The following ADRA1B variants were observed in gnomAD, a reference collection of about 807,000 sequenced individuals.
ADRA1B encodes adrenoceptor alpha 1B, also known as alpha-1B adrenergic receptor.
A neutral mutation model predicts 17.9 loss-of-function variants in ADRA1B; 17 were observed. The observed-to-expected ratio is 0.95, with a 90% CI of 0.65 to 1.42. The LOEUF is 1.42. Among genes scored for constraint, ADRA1B ranks in the 40% most tolerant of loss-of-function variants. The pLI is 0.00. For missense variants in ADRA1B, 681 were observed against 722.1 expected (o/e 0.94, Z 0.65); for synonymous variants, 366 against 327.6 (o/e 1.12, Z -1.27).
intron 1 of ADRA1B, among the ~76,000 whole-genome samples, chr5:159,934,104 G>A (rs1754884716): frequency 6.6e-6 from 1 of 152,262 alleles, no homozygotes; most frequent in Non-Finnish European, 1.5e-5. Context: ...CTGGCTGCTT[G>A]AGCAGATTCT....
At chr5:159,885,142 T>C (rs868508177) in intron 1 of ADRA1B, among the ~76,000 whole-genome samples, 2 of 152,194 alleles carry the variant, frequency 1.3e-5, no homozygotes, top group Non-Finnish European at 2.9e-5. Context: ...AGTCACAGAC[T>C]ATCAGAACAG....
chr5:159,902,636 A>G (rs1754115386), intron 1 of ADRA1B, among the ~76,000 whole-genome samples: 1 of 152,224 alleles, frequency 6.6e-6, no homozygotes, highest in South Asian at 2.1e-4. Context: ...CTTAGTCAAC[A>G]GCCCAGTTGA....
In ADRA1B at chr5:159,916,632, C is replaced by A; in HGVS notation, c.-274C>A. On this transcript the variant is annotated 5_prime_UTR_variant, in exon 1 of 2. Transcript: ENST00000306675. ...TCCTCCCCGCCGCTCCCCCGCGAGC[C>A]CGGCCAGGCGCGCCTGACGTGGACC... 1 of 309,878 alleles carries A rather than the reference C, an allele frequency of 3.2e-6. No homozygotes were observed. The highest frequency in any genetic ancestry group is 5.9e-6 in the Non-Finnish European group (1 of 169,912). 19.2% of individuals were successfully genotyped at this position (309,878 alleles called of 1,614,324 possible). A position where few individuals can be genotyped will look rare whatever the true frequency, so the allele number is the denominator to read the frequency against.
At chr5:159,952,442 T>C (rs1254517387) in intron 1 of ADRA1B, among the ~76,000 whole-genome samples, 2 of 152,202 alleles carry the variant, frequency 1.3e-5, no homozygotes, top group Admixed American at 1.3e-4. Flanking sequence ...CTCAGGTAAC[T>C]GAAAGCATGG....
chr5:159,963,564 A>T (rs1017783722), intron 1 of ADRA1B, among the ~76,000 whole-genome samples: 1 of 152,202 alleles, frequency 6.6e-6, no homozygotes, highest in African/African-American at 2.4e-5. Context: ...TGCCTTCTAG[A>T]GCACAGTCAT....
chr5:159,957,994 G>A (rs1437638257), intron 1 of ADRA1B, among the ~76,000 whole-genome samples: 2 of 148,638 alleles, frequency 1.3e-5, no homozygotes, highest in African/African-American at 2.5e-5. Flanking sequence ...TTCTTTTACT[G>A]TCATTTGAAT....
At position 159,972,611 on chromosome 5, in the gene ADRA1B, CG is replaced by C; in HGVS notation, c.*125del. The C allele has an allele frequency of 1.3e-5, 1 of 78,290 alleles. No individual in the cohort carries two copies. Among genetic ancestry groups the C allele is most frequent in the Non-Finnish European group, 2.2e-5 (1 of 46,276 alleles). 4.8% of individuals were successfully genotyped at this position (78,290 alleles called of 1,614,324 possible). On this transcript the variant is annotated 3_prime_UTR_variant, in exon 2 of 2. Transcript: ENST00000306675. ...GGTAGACGCGCGCCCCAAGGGGAAC[CG>C]GGGGGAGGGCCGGGGAGAGGGGCAG...
chr5:159,915,581 C>T (rs1040557576), upstream of ADRA1B, among the ~76,000 whole-genome samples: 3 of 152,108 alleles, frequency 2.0e-5, no homozygotes, highest in African/African-American at 7.2e-5. Context: ...AACCAAGATC[C>T]TCTACGTCCC....
chr5:159,923,783 T>C (rs576967105), intron 1 of ADRA1B, among the ~76,000 whole-genome samples: 1 of 152,372 alleles, frequency 6.6e-6, no homozygotes, highest in South Asian at 2.1e-4. Context: ...GTAGACCTCT[T>C]GCATCAGATT....
chr5:159,940,862 C>T (rs550155353), intron 1 of ADRA1B, among the ~76,000 whole-genome samples: 2 of 152,312 alleles, frequency 1.3e-5, no homozygotes, highest in Admixed American at 1.3e-4. Context: ...GTTCTTTAAA[C>T]TGGTGAGCTA....
Position 159,972,235 on chromosome 5 carries a change from C to G in ADRA1B, c.1306C>G (p.Pro436Ala). The G allele has an allele frequency of 5.9e-6, 8 of 1,351,772 alleles. No homozygotes were observed. Among genetic ancestry groups the G allele is most frequent in the Non-Finnish European group, 7.6e-6 (8 of 1,049,464 alleles). 83.7% of individuals were successfully genotyped at this position (1,351,772 alleles called of 1,614,324 possible). Reference protein sequence around the residue: ...PSPGYLGRGAPPPVELCAFPE... With the variant: ...PSPGYLGRGAAPPVELCAFPE... ...CCCGGGCTACCTGGGCCGCGGCGCG[C>G]CACCGCCAGTCGAGCTGTGCGCCTT... Residue 436 changes from proline (P) to alanine (A), a missense_variant, in exon 2 of 2, where the codon CCA becomes GCA. Pro to Ala is a conservative substitution (Grantham distance 27). Transcript: ENST00000306675.
chr5:159,947,585 GTTTCCCT>G (rs1373586059), intron 1 of ADRA1B: 1 of 459,852 alleles, frequency 2.2e-6, no homozygotes, highest in African/African-American at 2.1e-5. Context: ...TCTTTTAATG[GTTTCCCT>G]TTTACATTCT....
chr5:159,884,460 T>A (rs1028464207), intron 1 of ADRA1B, among the ~76,000 whole-genome samples: 2 of 152,212 alleles, frequency 1.3e-5, no homozygotes, highest in Non-Finnish European at 2.9e-5. Flanking sequence ...CTCTTGTGTA[T>A]GTTCTCTTGC....
intron 1 of ADRA1B, among the ~76,000 whole-genome samples, chr5:159,954,125 G>A (rs917466405): frequency 1.3e-5 from 2 of 152,156 alleles, no homozygotes; most frequent in African/African-American, 4.8e-5. Flanking sequence ...GGACAAGGAG[G>A]GGGTCAGCGA....
chr5:159,870,200 C>T (rs939016097), intron 1 of ADRA1B: 1 of 152,206 alleles, frequency 6.6e-6, no homozygotes, highest in African/African-American at 2.4e-5. Flanking sequence ...GAGGAACTGA[C>T]ACTTAGGCTG....
At chr5:159,950,621 TGGA>T in intron 1 of ADRA1B, 1 of 867,474 alleles carries the variant, frequency 1.2e-6, no homozygotes, top group Non-Finnish European at 2.0e-6. Context: ...GCATCAAAGG[TGGA>T]GGAGTGGGTG....
At chr5:159,865,863 C>T (rs1347126028) in intron 1 of ADRA1B, among the ~76,000 whole-genome samples, 1 of 152,202 alleles carries the variant, frequency 6.6e-6, no homozygotes, top group East Asian at 1.9e-4. Context: ...AAAACATCAA[C>T]ACCTTAATAA....
intron 1 of ADRA1B, among the ~76,000 whole-genome samples, chr5:159,934,295 C>G (rs1396069097): frequency 1.3e-5 from 2 of 152,130 alleles, no homozygotes; most frequent in African/African-American, 4.8e-5. Flanking sequence ...GAACTTTGAC[C>G]CACTTGCCAC....
At chr5:159,870,664 G>T (rs1480177729) in intron 1 of ADRA1B, 1 of 152,226 alleles carries the variant, frequency 6.6e-6, no homozygotes, top group Non-Finnish European at 1.5e-5. Flanking sequence ...GGGAGAAGTT[G>T]TTGGAAAAAG....
Sources: allele counts gnomAD v4.1 joint callset (sites outside exome capture counted in the v4.1 genomes callset), GRCh38; gene constraint gnomAD v4.1.1; transcripts MANE v1.5; gene names NCBI Gene and HGNC (gene_info 2026-07-23, HGNC 2026-07-21).